Variants in NCAM1 observed in about 807,000 individuals in gnomAD.
NCAM1 encodes neural cell adhesion molecule 1.
Under a neutral mutation model 109.8 loss-of-function variants are expected in NCAM1, and 14 were observed. The ratio of observed to expected loss-of-function variants is 0.13; its 90% CI spans 0.08 to 0.20. NCAM1 has a LOEUF of 0.20. Among genes scored for constraint, NCAM1 ranks in the 10% least tolerant of loss-of-function variants. The probability of loss-of-function intolerance (pLI) is 1.00; values close to 1 mark genes in which losing one functional copy is unlikely to be tolerated. For synonymous variants in NCAM1, 418 were observed against 442.9 expected (o/e 0.94, Z 0.70); for missense variants, 774 against 1,109.9 (o/e 0.70, Z 4.30).
chr11:113,072,500 A>G (rs75800050), intron 1 of NCAM1, among the ~76,000 whole-genome samples: 7,856 of 152,222 alleles, frequency 0.052, 585 homozygotes, highest in Admixed American at 0.17. Flanking sequence ...GAGAAAAAAA[A>G]AGCCAAATAA....
intron 13 of NCAM1, 95 bp from the exon 14 acceptor site, chr11:113,234,938 C>A: frequency 7.1e-7 from 1 of 1,400,672 alleles, no homozygotes; most frequent in Non-Finnish European, 9.5e-7. Context: ...GATAAATCTA[C>A]AGTTAATTTT....
chr11:113,169,049 T>C (rs1942903218), intron 1 of NCAM1, among the ~76,000 whole-genome samples: 2 of 103,914 alleles, frequency 1.9e-5, no homozygotes, highest in South Asian at 9.0e-4. Flanking sequence ...TGTGTGTGTG[T>C]GTGTGTGTGT....
At chr11:113,091,672 T>G (rs1565430917) in intron 1 of NCAM1, among the ~76,000 whole-genome samples, 1 of 152,202 alleles carries the variant, frequency 6.6e-6, no homozygotes, top group Non-Finnish European at 1.5e-5. Context: ...GAAGAGTTAG[T>G]GCTGCTGGTT....
At chr11:113,096,895 G>A (rs1460152128) in intron 1 of NCAM1, among the ~76,000 whole-genome samples, 1 of 151,918 alleles carries the variant, frequency 6.6e-6, no homozygotes, top group Non-Finnish European at 1.5e-5. Flanking sequence ...GCCTCTACCT[G>A]GAGTGTCTTC....
chr11:113,037,730 G>A (rs782025488), intron 1 of NCAM1, among the ~76,000 whole-genome samples: 3 of 152,056 alleles, frequency 2.0e-5, no homozygotes, highest in Admixed American at 6.6e-5. Context: ...TCAATGCTGC[G>A]GGCATTTCTA....
intron 15 of NCAM1, among the ~76,000 whole-genome samples, chr11:113,251,758 A>G (rs371685620): frequency 1.4e-4 from 22 of 152,176 alleles, no homozygotes; most frequent in African/African-American, 5.3e-4. Context: ...TAATGGTTTT[A>G]CTGAACTTAC....
At chr11:113,185,088 A>ATATATATAT (rs1565485467) in intron 1 of NCAM1, among the ~76,000 whole-genome samples, 1 of 142,724 alleles carries the variant, frequency 7.0e-6, no homozygotes, top group African/African-American at 2.6e-5. Context: ...ATAGAGAGAG[A>ATATATATAT]GAGAGAGAGA....
intron 17 of NCAM1, among the ~76,000 whole-genome samples, chr11:113,266,643 A>G (rs655250): frequency 0.17 from 26,522 of 152,094 alleles, 2,706 homozygotes; most frequent in African/African-American, 0.28. Context: ...AGATCCCATA[A>G]AAGTGGGGAG....
chr11:113,024,112 C>T (rs1555076763), intron 1 of NCAM1, among the ~76,000 whole-genome samples: 1 of 152,170 alleles, frequency 6.6e-6, no homozygotes, highest in African/African-American at 2.4e-5. Flanking sequence ...TGGGCAAGGT[C>T]AGAGCACTGC....
chr11:112,987,544 A>G (rs1555069877), intron 1 of NCAM1, among the ~76,000 whole-genome samples: 1 of 151,942 alleles, frequency 6.6e-6, no homozygotes, highest in Non-Finnish European at 1.5e-5. Flanking sequence ...ATCTATTAAT[A>G]TTTGCTTTAT....
intron 7 of NCAM1, among the ~76,000 whole-genome samples, chr11:113,211,695 A>C (rs1944395344): frequency 6.6e-6 from 1 of 152,216 alleles, no homozygotes; most frequent in Non-Finnish European, 1.5e-5. Flanking sequence ...GTTACAGCTA[A>C]GGACAAGCAG....
intron 1 of NCAM1, among the ~76,000 whole-genome samples, chr11:113,037,123 T>C (rs1402523243): frequency 2.0e-5 from 3 of 152,308 alleles, no homozygotes; most frequent in South Asian, 2.1e-4. Context: ...TGCCTTAGAA[T>C]TAACACCCAC....
At position 113,231,804 on chromosome 11, in the gene NCAM1, T is replaced by G; in HGVS notation, c.1240+9T>G. ...GTACCTTGAAGTGCAATGTAAGGAA[T>G]AAATGGGGAAGGACCTGGGGGAGGG... On this transcript the variant is annotated intron_variant, in intron 10 of 19. Coordinates refer to ENST00000316851, the MANE Select transcript of NCAM1 (RefSeq NM_181351.5). 6.2e-7 allele frequency: 1 copy of G among 1,613,758 alleles called. No homozygotes were observed. The highest frequency in any genetic ancestry group is 1.1e-5 in the South Asian group (1 of 91,064).
chr11:113,095,072 A>G (rs1432818691), intron 1 of NCAM1, among the ~76,000 whole-genome samples: 1 of 152,200 alleles, frequency 6.6e-6, no homozygotes, highest in African/African-American at 2.4e-5. Flanking sequence ...AGATTTCCTC[A>G]TAACCTTGAG....
At chr11:113,085,693 G>T (rs1939049861) in intron 1 of NCAM1, among the ~76,000 whole-genome samples, 1 of 152,092 alleles carries the variant, frequency 6.6e-6, no homozygotes, top group Non-Finnish European at 1.5e-5. Context: ...GTGTTTACTT[G>T]TTTTGTCTGC....
intron 1 of NCAM1, among the ~76,000 whole-genome samples, chr11:112,982,636 A>T (rs1377405157): frequency 1.3e-5 from 2 of 151,916 alleles, no homozygotes; most frequent in African/African-American, 4.8e-5. Flanking sequence ...GAAATACTAC[A>T]GAGGGAAGAT....
At chr11:113,078,086 T>G (rs1938613092) in intron 1 of NCAM1, among the ~76,000 whole-genome samples, 1 of 152,104 alleles carries the variant, frequency 6.6e-6, no homozygotes, top group African/African-American at 2.4e-5. Context: ...CAACAGAAAT[T>G]TATTCTCTCC....
At chr11:113,051,271 T>C (rs1366305873) in intron 1 of NCAM1, among the ~76,000 whole-genome samples, 1 of 152,250 alleles carries the variant, frequency 6.6e-6, no homozygotes, top group Non-Finnish European at 1.5e-5. Flanking sequence ...CAATTTAAGA[T>C]GATATTAATG....
intron 1 of NCAM1, among the ~76,000 whole-genome samples, chr11:113,079,198 T>C (rs1329034400): frequency 2.6e-5 from 4 of 152,190 alleles, no homozygotes; most frequent in South Asian, 2.1e-4. Context: ...ACCTACATAG[T>C]GTTGATGTGT....
Sources: allele counts gnomAD v4.1 joint callset (sites outside exome capture counted in the v4.1 genomes callset), GRCh38; gene constraint gnomAD v4.1.1; transcripts MANE v1.5; gene names NCBI Gene and HGNC (gene_info 2026-07-23, HGNC 2026-07-21).